The following KSR2 variants were observed in gnomAD, a reference collection of about 807,000 sequenced individuals.
The protein encoded by KSR2 is kinase suppressor of ras 2.
A neutral mutation model predicts 107.8 loss-of-function variants in KSR2; 25 were observed. The observed-to-expected ratio is 0.23, with a 90% CI of 0.17 to 0.32. The LOEUF is 0.32. Among genes scored for constraint, KSR2 ranks in the 10% least tolerant of loss-of-function variants. The pLI is 1.00. For synonymous variants in KSR2, 480 were observed against 507.0 expected (o/e 0.95, Z 0.71); for missense variants, 887 against 1,268.9 (o/e 0.70, Z 4.57).
intron 1 of KSR2, among the ~76,000 whole-genome samples, chr12:117,930,841 G>A (rs1895674672): frequency 6.6e-6 from 1 of 152,090 alleles, no homozygotes; most frequent in Non-Finnish European, 1.5e-5. Context: ...TTGAACCCAG[G>A]AAGTGGAGGT....
chr12:117,687,211 T>C (rs1377244661), intron 4 of KSR2, among the ~76,000 whole-genome samples: 2 of 152,204 alleles, frequency 1.3e-5, no homozygotes, highest in Non-Finnish European at 2.9e-5. Context: ...CCTGCCTCTT[T>C]GTCTGCCCCT....
At chr12:117,754,925 C>T (rs1888735752) in intron 4 of KSR2, among the ~76,000 whole-genome samples, 2 of 152,234 alleles carry the variant, frequency 1.3e-5, no homozygotes, top group African/African-American at 4.8e-5. Context: ...TCACAAAGAT[C>T]TGTGACTGTT....
At chr12:117,570,399 C>T (rs957863483) in intron 7 of KSR2, among the ~76,000 whole-genome samples, 1 of 152,064 alleles carries the variant, frequency 6.6e-6, no homozygotes, top group Non-Finnish European at 1.5e-5. Flanking sequence ...ACAGGACAGC[C>T]CCCACAACAA....
intron 4 of KSR2, among the ~76,000 whole-genome samples, chr12:117,721,486 C>A (rs1887203919): frequency 6.6e-6 from 1 of 152,012 alleles, no homozygotes; most frequent in African/African-American, 2.4e-5. Flanking sequence ...TAGTTTATAC[C>A]CAAATCTAAA....
At position 117,457,714 on chromosome 12, in the gene KSR2, T is replaced by C. The variant is rs73208197; in HGVS notation, c.*9485A>G. The C allele has an allele frequency of 0.15, 22,779 of 152,180 alleles. 1,808 individuals carry two copies. Among genetic ancestry groups the C allele is most frequent in the East Asian group, 0.19 (978 of 5,170 alleles). The allele number at this position is 152,180 out of a possible 1,614,324, so 9.4% of individuals were successfully genotyped here. On this transcript the variant is annotated 3_prime_UTR_variant, in exon 20 of 20. Coordinates refer to ENST00000339824, the MANE Select transcript of KSR2 (RefSeq NM_173598.6). ...TTTGGATGTCACCAGTACCAGGTGC[T>C]ACTGGTATCTTGTGGGGAGAGTTGA...
intron 4 of KSR2, among the ~76,000 whole-genome samples, chr12:117,718,877 G>A (rs981096990): frequency 7.9e-5 from 12 of 152,170 alleles, no homozygotes; most frequent in Non-Finnish European, 1.8e-4. Context: ...TGAACATGGA[G>A]ACTCTGACTG....
At chr12:117,880,099 T>C (rs1018220664) in intron 1 of KSR2, among the ~76,000 whole-genome samples, 2 of 152,108 alleles carry the variant, frequency 1.3e-5, no homozygotes, top group Non-Finnish European at 2.9e-5. Context: ...TGAGCTGAGA[T>C]TGTGCCATTG....
intron 14 of KSR2, among the ~76,000 whole-genome samples, chr12:117,497,724 T>G (rs1448094747): frequency 6.6e-6 from 1 of 152,206 alleles, no homozygotes; most frequent in African/African-American, 2.4e-5. Context: ...TTTTGGCAAG[T>G]TACCTAAAAG....
At chr12:117,613,196 G>A (rs1881699354) in intron 5 of KSR2, among the ~76,000 whole-genome samples, 1 of 152,126 alleles carries the variant, frequency 6.6e-6, no homozygotes, top group Admixed American at 6.5e-5. Context: ...TCCCTAGTGG[G>A]GCTGTAATTC....
At chr12:117,761,623 G>A (rs1023627794) in intron 3 of KSR2, 99 bp from the exon 4 acceptor site, 42 of 1,133,128 alleles carry the variant, frequency 3.7e-5, no homozygotes, top group Middle Eastern at 2.0e-4. Context: ...ATTACACCAC[G>A]TGCCCATTAC....
At chr12:117,760,841 T>C (rs1004290656) in intron 4 of KSR2, among the ~76,000 whole-genome samples, 170 bp downstream of exon 4, 14 of 152,202 alleles carry the variant, frequency 9.2e-5, no homozygotes, top group Non-Finnish European at 1.6e-4. Context: ...GGAAATTCTG[T>C]TCTATTCATT....
intron 3 of KSR2, among the ~76,000 whole-genome samples, chr12:117,826,897 G>A (rs1440375701): frequency 2.0e-5 from 3 of 151,902 alleles, no homozygotes; most frequent in Admixed American, 6.6e-5. Context: ...ACCAGCCTGG[G>A]TAACATGGTG....
intron 5 of KSR2, among the ~76,000 whole-genome samples, chr12:117,655,484 C>T (rs1377953952): frequency 6.6e-6 from 1 of 152,188 alleles, no homozygotes; most frequent in Non-Finnish European, 1.5e-5. Context: ...TCTGAATCGG[C>T]ATCCAATATA....
In KSR2 at chr12:117,840,806, A is replaced by T. The variant is rs184270203; in HGVS notation, c.472+14622T>A. Among the ~76,000 whole-genome samples the T allele has an allele frequency of 8.9e-4, 131 of 146,994 alleles. 1 individual carries two copies. The highest frequency in any genetic ancestry group is 2.9e-3 in the African/African-American group (115 of 40,312). On this transcript the variant is annotated intron_variant, in intron 3 of 19. Coordinates refer to ENST00000339824, the MANE Select transcript of KSR2 (RefSeq NM_173598.6). The stretch of plus-strand genomic sequence containing the variant: ...TCACGAGGTCAGGAGTTTGAGACCA[A>T]CCTGGCCAACATGGTGAAACCCCGT...
chr12:117,756,464 C>T (rs908843460), intron 4 of KSR2, among the ~76,000 whole-genome samples: 2 of 152,190 alleles, frequency 1.3e-5, no homozygotes, highest in Admixed American at 6.5e-5. Flanking sequence ...CACTTTTGTT[C>T]ACAGCATGGT....
intron 1 of KSR2, among the ~76,000 whole-genome samples, chr12:117,955,855 TA>T (rs34170897): frequency 1.6e-3 from 227 of 143,762 alleles, no homozygotes; most frequent in African/African-American, 4.5e-3. Flanking sequence ...CCTCAGGGGG[TA>T]AAAAAAAAAA....
At chr12:117,522,450 T>C (rs1874818531) in intron 14 of KSR2, among the ~76,000 whole-genome samples, 1 of 152,076 alleles carries the variant, frequency 6.6e-6, no homozygotes. Context: ...GACTTGTGTA[T>C]CCCAAGTAAT....
intron 3 of KSR2, among the ~76,000 whole-genome samples, chr12:117,789,573 G>A (rs1455442261): frequency 6.6e-6 from 1 of 152,158 alleles, no homozygotes; most frequent in Non-Finnish European, 1.5e-5. Context: ...AACAGAGCTG[G>A]GGTTTGAACC....
rs780702481 is a variant in KSR2 at position 117,860,362 on chromosome 12, C to A, written c.250G>T (p.Ala84Ser). 2.5e-6 allele frequency: 4 copies of A among 1,613,666 alleles called. No individual in the cohort carries two copies. Among genetic ancestry groups the A allele is most frequent in the Non-Finnish European group, 3.4e-6 (4 of 1,179,818 alleles). The change falls in exon 2 of 20, where the codon GCG becomes TCG. Residue 84 changes from alanine (A) to serine (S), a missense_variant. This residue lies in a region of KSR2 where 399 missense variants were observed against 479.5 expected (regional missense o/e 0.83). Coordinates refer to ENST00000339824, the MANE Select transcript of KSR2 (RefSeq NM_173598.6). ...KKKVALQERNAELDGFPQLRH... is the reference protein window; with the variant it reads ...KKKVALQERNSELDGFPQLRH... ...AGCTGGGGGAAGCCGTCCAGCTCCGCGTTGCGCTCCTGCAAGGCTACCTTC... is the reference window on the plus strand; with the variant it reads ...AGCTGGGGGAAGCCGTCCAGCTCCGAGTTGCGCTCCTGCAAGGCTACCTTC...
Sources: allele counts gnomAD v4.1 joint callset (sites outside exome capture counted in the v4.1 genomes callset), GRCh38; gene constraint gnomAD v4.1.1; regional missense constraint gnomAD v4.1.1; transcripts MANE v1.5; gene names NCBI Gene and HGNC (gene_info 2026-07-23, HGNC 2026-07-21).